The following LGR6 variants were observed in gnomAD, a reference collection of about 807,000 sequenced individuals.
LGR6 encodes the protein leucine rich repeat containing G protein-coupled receptor 6.
Under a neutral mutation model 69.4 loss-of-function variants are expected in LGR6, and 45 were observed. That is an observed-to-expected ratio of 0.65 (90% CI 0.51 to 0.83). The LOEUF is 0.83. Among genes scored for constraint, LGR6 ranks in the 40% least tolerant of loss-of-function variants. LGR6 has a pLI of 0.00. For missense variants in LGR6, 1,108 were observed against 1,246.7 expected (o/e 0.89, Z 1.68); for synonymous variants, 538 against 555.0 (o/e 0.97, Z 0.43).
chr1:202,233,761 C>T (rs1247041002), intron 3 of LGR6, among the ~76,000 whole-genome samples: 1 of 152,176 alleles, frequency 6.6e-6, no homozygotes, highest in Non-Finnish European at 1.5e-5. Flanking sequence ...TGCTATTGAA[C>T]TTGTCCTCTG....
At chr1:202,213,749 T>C (rs928521691) in intron 1 of LGR6, among the ~76,000 whole-genome samples, 3 of 152,200 alleles carry the variant, frequency 2.0e-5, no homozygotes, top group Admixed American at 6.5e-5. Flanking sequence ...ATTTTATAGA[T>C]GCAGAAACTG....
At chr1:202,259,348 C>T (rs1047582882) in intron 4 of LGR6, among the ~76,000 whole-genome samples, 3 of 152,080 alleles carry the variant, frequency 2.0e-5, no homozygotes, top group Non-Finnish European at 4.4e-5. Context: ...TTATTTTTTA[C>T]TTGAAAGTTT....
chr1:202,225,284 C>T, intron 1 of LGR6, 139 bp from the exon 2 acceptor site: 1 of 735,706 alleles, frequency 1.4e-6, no homozygotes, highest in Non-Finnish European at 2.5e-6. Flanking sequence ...TGTTGTCAGA[C>T]TGGCTTTGGA....
At chr1:202,227,281 G>A (rs921829631) in intron 2 of LGR6, among the ~76,000 whole-genome samples, 1 of 152,348 alleles carries the variant, frequency 6.6e-6, no homozygotes, top group Middle Eastern at 3.4e-3. Flanking sequence ...AGATCAGGCA[G>A]TGACTTCTGA....
In LGR6 at chr1:202,217,324, C is replaced by G. The variant is rs147364444; in HGVS notation, c.213-8099C>G. Among the ~76,000 whole-genome samples, 44 of 152,306 alleles carry G rather than the reference C, an allele frequency of 2.9e-4. No homozygotes were observed. The East Asian group carries it at 7.3e-3, about 25-fold the overall frequency. On this transcript the variant is annotated intron_variant, in intron 1 of 17. Transcript: ENST00000367278. ...AGAGAGAGGAACCTCTCCTGGGTCT[C>G]GTCCCTCCCTGACCTTTCTCTGCCA...
intron 17 of LGR6, among the ~76,000 whole-genome samples, chr1:202,317,322 CAT>C (rs1413981527): frequency 2.0e-5 from 3 of 148,010 alleles, no homozygotes; most frequent in Admixed American, 7.0e-5. Flanking sequence ...TAATTTGTAC[CAT>C]GTGTGTGTTT....
chr1:202,197,442 A>G, intron 1 of LGR6: 1 of 533,344 alleles, frequency 1.9e-6, no homozygotes, highest in Non-Finnish European at 3.8e-6. Context: ...TTCCTCTTAA[A>G]CTATAGTCTC....
At chr1:202,235,892 G>C in intron 3 of LGR6, 30 bp from the exon 4 acceptor site, 1 of 1,607,532 alleles carries the variant, frequency 6.2e-7, no homozygotes. Flanking sequence ...TACCATGTGC[G>C]TCCTTAAAGC....
At chr1:202,294,749 G>A (rs1370640435) in intron 6 of LGR6, among the ~76,000 whole-genome samples, 2 of 152,188 alleles carry the variant, frequency 1.3e-5, no homozygotes, top group Non-Finnish European at 2.9e-5. Flanking sequence ...GGCCATCCCA[G>A]CCCAAGGTAG....
intron 17 of LGR6, among the ~76,000 whole-genome samples, chr1:202,316,117 C>T (rs147588485): frequency 5.9e-5 from 9 of 152,188 alleles, no homozygotes; most frequent in African/African-American, 2.2e-4. Context: ...GAACGAGAAA[C>T]GCATATACAG....
rs903651722 is a variant in LGR6 at position 202,268,087 on chromosome 1, C to T, written c.429-8219C>T. On this transcript the variant is annotated intron_variant, in intron 4 of 17. Transcript: ENST00000367278. This position sits in a 1 kb window ranked among gnomAD's most constrained non-coding sequence, Gnocchi z 4.4. Reference sequence around the variant, plus strand: ...GGGAAGGCAGAAGCTCATGAGCATCCGTGCCTGAGTTGGTGGAGTCTGTGG... The same window carrying T: ...GGGAAGGCAGAAGCTCATGAGCATCTGTGCCTGAGTTGGTGGAGTCTGTGG... Among the ~76,000 whole-genome samples, 1 of 152,206 alleles carries T rather than the reference C, an allele frequency of 6.6e-6. No homozygotes were observed. The highest frequency in any genetic ancestry group is 1.5e-5 in the Non-Finnish European group (1 of 68,038).
chr1:202,271,171 T>C lies in LGR6; in HGVS notation c.429-5135T>C, dbSNP rs141804245. 3.6e-3 allele frequency among the ~76,000 whole-genome samples: 543 copies of C among 152,240 alleles called. 5 individuals carry two copies. The highest frequency in any genetic ancestry group is 0.012 in the African/African-American group (517 of 41,546). ...CCTGCCAAGCCAGAGTCCATCAGGA[T>C]TGGCTCTCCCACCCTCTACGGGGAG... On this transcript the variant is annotated intron_variant, in intron 4 of 17. Transcript: ENST00000367278.
chr1:202,218,250 C>A (rs570548328), intron 1 of LGR6, among the ~76,000 whole-genome samples: 1 of 152,152 alleles, frequency 6.6e-6, no homozygotes, highest in East Asian at 1.9e-4. Context: ...TAGAGGAAAG[C>A]GCCTGCTATT....
At chr1:202,276,808 C>T (rs185665956) in intron 5 of LGR6, among the ~76,000 whole-genome samples, 35 of 152,290 alleles carry the variant, frequency 2.3e-4, no homozygotes, top group Middle Eastern at 6.8e-3. Context: ...TCTTGCCATG[C>T]ACATATAATA....
At chr1:202,218,850 A>T (rs1180037556) in intron 1 of LGR6, among the ~76,000 whole-genome samples, 1 of 152,190 alleles carries the variant, frequency 6.6e-6, no homozygotes, top group East Asian at 1.9e-4. Context: ...AGCAGTTTGT[A>T]AACTACAAAG....
chr1:202,267,914 G>A (rs1270544007), intron 4 of LGR6, among the ~76,000 whole-genome samples: 1 of 152,182 alleles, frequency 6.6e-6, no homozygotes, highest in Non-Finnish European at 1.5e-5. Flanking sequence ...CATCTGTAAT[G>A]AGAGGCATTT....
At position 202,217,785 on chromosome 1, in the gene LGR6, A is replaced by G. The variant is rs2924104; in HGVS notation, c.213-7638A>G. ...AGTCTGGGAGACATTCCTTTTACCA[A>G]CAAGGGAGCCAAGAAAGGGCAAAAT... On this transcript the variant is annotated intron_variant, in intron 1 of 17. Transcript: ENST00000367278. 8.5e-4 allele frequency among the ~76,000 whole-genome samples: 130 copies of G among 152,254 alleles called. 1 individual carries two copies. The South Asian group carries it at 0.011, about 13-fold the overall frequency.
In LGR6 at chr1:202,270,416, A is replaced by G. The variant is rs186455343; in HGVS notation, c.429-5890A>G. The stretch of plus-strand genomic sequence containing the variant: ...TGCCACCACGCCCGTCTAATTTTGT[A>G]TTTTTAGTAGAGATGGGGTTTCCCC... On this transcript the variant is annotated intron_variant, in intron 4 of 17. Transcript: ENST00000367278. Among the ~76,000 whole-genome samples, 553 of 152,028 alleles carry G rather than the reference A, an allele frequency of 3.6e-3. 4 individuals carry two copies. The highest frequency in any genetic ancestry group is 0.013 in the African/African-American group (519 of 41,472).
chr1:202,316,534 C>A (rs1654157350), intron 17 of LGR6, among the ~76,000 whole-genome samples: 1 of 152,176 alleles, frequency 6.6e-6, no homozygotes, highest in African/African-American at 2.4e-5. Context: ...TTGGTGCAGA[C>A]AAACCATATC....
Sources: gnomAD v4.1 joint callset for allele counts (sites outside exome capture counted in the v4.1 genomes callset) on GRCh38, gnomAD v4.1.1 for gene constraint, Gnocchi (gnomAD v3.1) non-coding constraint, MANE v1.5 for transcripts, NCBI Gene and HGNC (gene_info 2026-07-23, HGNC 2026-07-21) for gene names.